TOE1: variants seen among roughly 807,000 people sequenced by gnomAD.
TOE1 encodes target of EGR1, exonuclease.
In TOE1, 50 loss-of-function variants were observed where a neutral mutation model predicts 49.2. The observed-to-expected ratio is 1.02, with a 90% CI of 0.81 to 1.29. The LOEUF (loss-of-function observed/expected upper bound fraction) is 1.29. Ranked by LOEUF, TOE1 falls within the 50% of genes most tolerant of loss-of-function variation. TOE1 has a pLI of 0.00. For synonymous variants in TOE1, 221 were observed against 247.0 expected, an observed-to-expected ratio of 0.89 and a Z score of 0.99; for missense variants, 544 against 654.4, an observed-to-expected ratio of 0.83 and a Z score of 1.84.
Position 45,343,031 on chromosome 1 carries a change from G to A in TOE1, c.912+29G>A. On this transcript the variant is annotated intron_variant, in intron 7 of 7. Transcript: ENST00000372090. This position sits in a 1 kb window ranked among gnomAD's most constrained non-coding sequence, Gnocchi z 4.3. ...AGAGCACCCACCTGTTTCTTGGGAGGGAAGGTTCTGATGCCTGGAGCCTCT... is the reference window on the plus strand; with the variant it reads ...AGAGCACCCACCTGTTTCTTGGGAGAGAAGGTTCTGATGCCTGGAGCCTCT... The A allele has an allele frequency of 6.2e-7, 1 of 1,613,604 alleles. No homozygotes were observed. The highest frequency in any genetic ancestry group is 8.5e-7 in the Non-Finnish European group (1 of 1,179,800).
intron 6 of TOE1, 64 bp downstream of exon 6, chr1:45,342,707 A>G: frequency 6.2e-7 from 1 of 1,601,636 alleles, no homozygotes; most frequent in Non-Finnish European, 8.5e-7. Flanking sequence ...CACTTAAGAT[A>G]TTTATTGAGC....
chr1:45,342,703 A>G, intron 6 of TOE1, 60 bp downstream of exon 6: 1 of 1,603,022 alleles, frequency 6.2e-7, no homozygotes. Flanking sequence ...CATTCACTTA[A>G]GATATTTATT....
Position 45,340,192 on chromosome 1 carries a change from A to C in TOE1, c.-61A>C, listed in dbSNP as rs756764712. 4 of 1,613,314 alleles carry C rather than the reference A, an allele frequency of 2.5e-6. No individual in the cohort carries two copies. Among genetic ancestry groups the C allele is most frequent in the Non-Finnish European group, 3.4e-6 (4 of 1,179,888 alleles). ...CATCCCCGACTGCCTGAACCGCGCCAGGAGACGGACCGCAAGTCCAGCGTA... is the reference window on the plus strand; with the variant it reads ...CATCCCCGACTGCCTGAACCGCGCCCGGAGACGGACCGCAAGTCCAGCGTA... On this transcript the variant is annotated 5_prime_UTR_variant, in exon 1 of 8. Coordinates refer to ENST00000372090, the MANE Select transcript of TOE1 (RefSeq NM_025077.4).
Position 45,341,532 on chromosome 1 carries a change from C to T in TOE1, c.296C>T (p.Ser99Phe), listed in dbSNP as rs1646976171. The change falls in exon 4 of 8, where the codon TCC becomes TTC. Residue 99 changes from serine to phenylalanine, a missense_variant. By Grantham distance (155) the Ser-to-Phe change is radical (BLOSUM62 -2). Coordinates refer to ENST00000372090, the MANE Select transcript of TOE1 (RefSeq NM_025077.4). ...CHAARTRSIL[S>F]LGLACFKRQP... ...GCTGCCAGGACCCGTTCTATCCTTT[C>T]CCTGGGCCTCGCCTGCTTCAAGCGG... 1 of 1,613,904 alleles carries T rather than the reference C, an allele frequency of 6.2e-7. No individual in the cohort carries two copies. The highest frequency in any genetic ancestry group is 8.5e-7 in the Non-Finnish European group (1 of 1,180,000).
chr1:45,343,535 G>A lies in TOE1; in HGVS notation c.1366G>A (p.Val456Met), dbSNP rs1391101963. The A allele has an allele frequency of 1.5e-5, 24 of 1,614,140 alleles. No homozygotes were observed. Among genetic ancestry groups the A allele is most frequent in the Middle Eastern group, 1.6e-4 (1 of 6,062 alleles). Reference protein sequence around the residue: ...MTGYVMAYVEVSQGPQPCSSG... With the variant: ...MTGYVMAYVEMSQGPQPCSSG... ...AGGTTATGTGATGGCCTATGTGGAAGTGAGCCAGGGACCGCAGCCCTGCAG... is the reference window on the plus strand; with the variant it reads ...AGGTTATGTGATGGCCTATGTGGAAATGAGCCAGGGACCGCAGCCCTGCAG... Residue 456 changes from valine to methionine, a missense_variant, in exon 8 of 8, where the codon GTG (valine) becomes ATG (methionine). Coordinates refer to ENST00000372090, the MANE Select transcript of TOE1 (RefSeq NM_025077.4). The surrounding 1 kb of genome is among the most constrained non-coding windows in gnomAD (Gnocchi z 4.3).
In TOE1 at chr1:45,343,468, T is replaced by C; in HGVS notation, c.1299T>C (p.Pro433=). Reference sequence around the variant, plus strand: ...GCCAAGCCAGTCCTAACCCAGTGCCTGGGGATGGATTGCACCGGGCTGGTT... The same window carrying C: ...GCCAAGCCAGTCCTAACCCAGTGCCCGGGGATGGATTGCACCGGGCTGGTT... ...PGSQASPNPV[P]GDGLHRAGFD... is the part of the protein sequence containing the mutation. Residue 433 remains proline, a synonymous_variant, in exon 8 of 8, where the codon CCT becomes CCC. Transcript: ENST00000372090. The surrounding 1 kb of genome is among the most constrained non-coding windows in gnomAD (Gnocchi z 4.3). 6.2e-7 allele frequency: 1 copy of C among 1,614,156 alleles called. No homozygotes were observed. The highest frequency in any genetic ancestry group is 1.3e-5 in the African/African-American group (1 of 75,016).
At chr1:45,342,284 G>C (rs747000027) in intron 5 of TOE1, 100 bp from the exon 6 acceptor site, 25 of 1,544,404 alleles carry the variant, frequency 1.6e-5, no homozygotes, top group Non-Finnish European at 2.1e-5. Context: ...GTAAGGTAGA[G>C]AGAGAGCGTT....
At position 45,341,173 on chromosome 1, in the gene TOE1, CCTG is replaced by C. The variant is rs1557524342; in HGVS notation, c.156_158del (p.Leu53del). ...ACTTCAAGGAGATGTGGCCATCCCTCCTGCTAGCCATAAAGACAGCTAATTTCG... is the reference window on the plus strand; with the variant it reads ...ACTTCAAGGAGATGTGGCCATCCCTCCTAGCCATAAAGACAGCTAATTTCG... On this transcript the variant is annotated inframe_deletion, in exon 2 of 8. Transcript: ENST00000372090. 6.2e-7 allele frequency: 1 copy of C among 1,614,188 alleles called. No homozygotes were observed. The highest frequency in any genetic ancestry group is 1.1e-5 in the South Asian group (1 of 91,076).
Position 45,342,068 on chromosome 1 carries a change from G to C in TOE1, c.453G>C (p.Gln151His). Residue 151 changes from glutamine to histidine, a missense_variant, in exon 5 of 8, where the codon CAG (glutamine) becomes CAC (histidine). Coordinates refer to ENST00000372090, the MANE Select transcript of TOE1 (RefSeq NM_025077.4). ...AGCATGGCTTCAACTTCAACCAGCA[G>C]TATGCCCAAGGCATCCCCTACCATA... Reference protein sequence around the residue: ...LIQHGFNFNQQYAQGIPYHKG... With the variant: ...LIQHGFNFNQHYAQGIPYHKG... The C allele has an allele frequency of 1.9e-6, 3 of 1,613,982 alleles. No individual in the cohort carries two copies. Among genetic ancestry groups the C allele is most frequent in the Non-Finnish European group, 2.5e-6 (3 of 1,179,892 alleles).
At chr1:45,342,313 G>A in intron 5 of TOE1, 71 bp from the exon 6 acceptor site, 1 of 1,574,952 alleles carries the variant, frequency 6.3e-7, no homozygotes, top group Non-Finnish European at 8.6e-7. Context: ...GGAAGTCTGG[G>A]ATAAGTGCCC....
At chr1:45,341,915 A>G in intron 4 of TOE1, 34 bp from the exon 5 acceptor site, 1 of 1,607,958 alleles carries the variant, frequency 6.2e-7, no homozygotes, top group Non-Finnish European at 8.5e-7. Context: ...TGGCTCTCTG[A>G]AATCTTGATA....
chr1:45,341,998 TGGA>T lies in TOE1; in HGVS notation c.388_390del (p.Glu130del). 1 of 1,614,080 alleles carries T rather than the reference TGGA, an allele frequency of 6.2e-7. No homozygotes were observed. Among genetic ancestry groups the T allele is most frequent in the East Asian group, 2.2e-5 (1 of 44,886 alleles). On this transcript the variant is annotated inframe_deletion, in exon 5 of 8. Coordinates refer to ENST00000372090, the MANE Select transcript of TOE1 (RefSeq NM_025077.4). ...GTGTTCAATCTCACTCTGCTGTGCA[TGGA>T]GGAGTATGTCATAGAACCAAAGTCT...
In TOE1 at chr1:45,342,112, G is replaced by C. The variant is rs200132965; in HGVS notation, c.492+5G>C. Reference sequence around the variant, plus strand: ...TACCATAAGGGCAATGACAAGGTAGGCCTCTAGCCTCCCTAGCCTTGAGTC... The same window carrying C: ...TACCATAAGGGCAATGACAAGGTAGCCCTCTAGCCTCCCTAGCCTTGAGTC... On this transcript the variant is annotated splice_donor_5th_base_variant and intron_variant, in intron 5 of 7. Transcript: ENST00000372090. 1.2e-6 allele frequency: 2 copies of C among 1,613,466 alleles called. No homozygotes were observed. The highest frequency in any genetic ancestry group is 1.3e-5 in the African/African-American group (1 of 75,020).
At chr1:45,341,598 G>C (rs372016210) in intron 4 of TOE1, 29 bp downstream of exon 4, 26 of 1,595,726 alleles carry the variant, frequency 1.6e-5, no homozygotes, top group Non-Finnish European at 2.1e-5. Flanking sequence ...CCAATCCTAG[G>C]TGTGGCTGTG....
In TOE1 at chr1:45,343,614, C is replaced by G. The variant is rs528828130; in HGVS notation, c.1445C>G (p.Ala482Gly). ...CHNKVYLSGKAVPLTVAKSQF... is the reference protein window; with the variant it reads ...CHNKVYLSGKGVPLTVAKSQF... The stretch of plus-strand genomic sequence containing the variant: ...AATAAGGTATATTTGAGTGGCAAAG[C>G]TGTACCCCTCACAGTGGCCAAGAGC... Residue 482 changes from alanine (A) to glycine (G), a missense_variant, in exon 8 of 8, where the codon GCT becomes GGT. Ala to Gly is a moderately conservative substitution (Grantham distance 60). Coordinates refer to ENST00000372090, the MANE Select transcript of TOE1 (RefSeq NM_025077.4). This position sits in a 1 kb window ranked among gnomAD's most constrained non-coding sequence, Gnocchi z 4.3. 5 of 1,614,144 alleles carry G rather than the reference C, an allele frequency of 3.1e-6. No individual in the cohort carries two copies. The South Asian group carries it at 4.4e-5, about 14-fold the overall frequency.
chr1:45,340,199 G>T lies in TOE1; in HGVS notation c.-54G>T, dbSNP rs540793556. On this transcript the variant is annotated 5_prime_UTR_variant, in exon 1 of 8. Coordinates refer to ENST00000372090, the MANE Select transcript of TOE1 (RefSeq NM_025077.4). ...GACTGCCTGAACCGCGCCAGGAGAC[G>T]GACCGCAAGTCCAGCGTACCCACAG... is the stretch of plus-strand genomic sequence containing the variant. The T allele has an allele frequency of 8.0e-5, 129 of 1,613,538 alleles. 1 individual carries two copies. The South Asian group carries it at 1.3e-3, about 16-fold the overall frequency.
chr1:45,340,408 TC>T, intron 1 of TOE1, 104 bp downstream of exon 1: 1 of 1,537,710 alleles, frequency 6.5e-7, no homozygotes, highest in African/African-American at 1.4e-5. Context: ...AGAGGACTGC[TC>T]CTTCCGCCTG....
intron 1 of TOE1, chr1:45,340,605 G>A: frequency 7.5e-7 from 1 of 1,328,000 alleles, no homozygotes; most frequent in Non-Finnish European, 9.7e-7. Context: ...TCCAAAGGAA[G>A]GTAGGACGTA....
chr1:45,340,969 A>G (rs1221011178), intron 1 of TOE1, 104 bp from the exon 2 acceptor site: 1 of 1,518,764 alleles, frequency 6.6e-7, no homozygotes, highest in Non-Finnish European at 9.0e-7. Flanking sequence ...AAAGCTACCA[A>G]TGGAAACTAC....
Sources: gnomAD v4.1 joint callset for allele counts on GRCh38, gnomAD v4.1.1 for gene constraint, Gnocchi (gnomAD v3.1) non-coding constraint, MANE v1.5 for transcripts, NCBI Gene and HGNC (gene_info 2026-07-23, HGNC 2026-07-21) for gene names.